The following COX7B2 variants were observed in gnomAD, a reference collection of about 807,000 sequenced individuals.
The protein encoded by COX7B2 is cytochrome c oxidase subunit 7B2.
For synonymous variants in COX7B2, 37 were observed against 32.1 expected, an observed-to-expected ratio of 1.15 and a Z score of -0.51; for missense variants, 109 against 95.9, an observed-to-expected ratio of 1.14 and a Z score of -0.57.
At chr4:46,905,534 A>C (rs929523000) in intron 1 of COX7B2, among the ~76,000 whole-genome samples, 5 of 152,206 alleles carry the variant, frequency 3.3e-5, no homozygotes, top group African/African-American at 1.2e-4. Context: ...TAATTTTGAC[A>C]TTAACGATTC....
intron 2 of COX7B2, among the ~76,000 whole-genome samples, chr4:46,739,144 C>A (rs1714550682): frequency 6.6e-6 from 1 of 151,986 alleles, no homozygotes; most frequent in African/African-American, 2.4e-5. Context: ...AGACATTGTG[C>A]CAAGATTTTG....
chr4:46,865,416 T>C (rs2109810472), intron 1 of COX7B2, among the ~76,000 whole-genome samples: 1 of 152,346 alleles, frequency 6.6e-6, no homozygotes, highest in Middle Eastern at 3.4e-3. Flanking sequence ...GTGATAAGCA[T>C]ATATGTGCAA....
intron 2 of COX7B2, among the ~76,000 whole-genome samples, chr4:46,744,406 C>T (rs915964111): frequency 9.2e-5 from 14 of 152,182 alleles, no homozygotes; most frequent in African/African-American, 3.1e-4. Flanking sequence ...CTCCCATCTC[C>T]TTGGCTATAG....
intron 1 of COX7B2, among the ~76,000 whole-genome samples, chr4:46,892,951 G>T (rs981476443): frequency 5.9e-5 from 9 of 152,120 alleles, no homozygotes; most frequent in African/African-American, 2.2e-4. Flanking sequence ...TTCCCCCTTT[G>T]CATGGCTTTC....
At chr4:46,804,302 A>T (rs1486736816) in intron 2 of COX7B2, among the ~76,000 whole-genome samples, 1 of 152,186 alleles carries the variant, frequency 6.6e-6, no homozygotes, top group East Asian at 1.9e-4. Flanking sequence ...CTTCCACGGT[A>T]CGGAAAGGGA....
intron 2 of COX7B2, among the ~76,000 whole-genome samples, chr4:46,780,330 A>G (rs1441808625): frequency 6.6e-6 from 1 of 152,174 alleles, no homozygotes; most frequent in Non-Finnish European, 1.5e-5. Flanking sequence ...ATCCTGGCTA[A>G]CATGGTAAAA....
chr4:46,776,422 GTC>G (rs1553883539), intron 2 of COX7B2, among the ~76,000 whole-genome samples: 4 of 146,014 alleles, frequency 2.7e-5, no homozygotes, highest in East Asian at 2.0e-4. Flanking sequence ...GTGTGTGTGT[GTC>G]TGTGTGTCTG....
rs117266824 is a variant in COX7B2 at position 46,886,955 on chromosome 4, G to T, written c.-105+22205C>A. Reference sequence around the variant, plus strand: ...TGTTAATTGGTGTGGAAAAAAAATCGCAGACATATTTTAAACTCGACACAG... The same window carrying T: ...TGTTAATTGGTGTGGAAAAAAAATCTCAGACATATTTTAAACTCGACACAG... On this transcript the variant is annotated intron_variant, in intron 1 of 2. Coordinates refer to ENST00000355591, the MANE Select transcript of COX7B2 (RefSeq NM_130902.3). Among the ~76,000 whole-genome samples, 82 of 152,300 alleles carry T rather than the reference G, an allele frequency of 5.4e-4. 1 individual carries two copies. The East Asian group carries it at 0.015, about 28-fold the overall frequency.
At chr4:46,830,947 A>C (rs966947379) in intron 2 of COX7B2, among the ~76,000 whole-genome samples, 1 of 152,160 alleles carries the variant, frequency 6.6e-6, no homozygotes, top group Non-Finnish European at 1.5e-5. Context: ...GCCGCACTTG[A>C]GGAGCCCTTC....
At chr4:46,805,516 C>G (rs1718952283) in intron 2 of COX7B2, among the ~76,000 whole-genome samples, 1 of 152,222 alleles carries the variant, frequency 6.6e-6, no homozygotes, top group Non-Finnish European at 1.5e-5. Context: ...CAATAATTCT[C>G]ATTCCCTTTT....
intron 2 of COX7B2, among the ~76,000 whole-genome samples, chr4:46,759,415 C>G (rs1161517549): frequency 1.3e-5 from 2 of 151,588 alleles, no homozygotes; most frequent in Non-Finnish European, 2.9e-5. Context: ...AATAGGCAAC[C>G]TACAGAATGG....
chr4:46,860,206 G>A (rs945804560), intron 1 of COX7B2, among the ~76,000 whole-genome samples: 2 of 152,220 alleles, frequency 1.3e-5, no homozygotes, highest in Admixed American at 1.3e-4. Context: ...TGATACAGTC[G>A]AGAGAGACAG....
chr4:46,863,012 A>G (rs1298636403), intron 1 of COX7B2, among the ~76,000 whole-genome samples: 1 of 152,138 alleles, frequency 6.6e-6, no homozygotes, highest in Admixed American at 6.5e-5. Context: ...CTCATCTTTA[A>G]AATGCTAACA....
chr4:46,745,963 A>G (rs1714998443), intron 2 of COX7B2, among the ~76,000 whole-genome samples: 1 of 152,186 alleles, frequency 6.6e-6, no homozygotes, highest in Non-Finnish European at 1.5e-5. Context: ...AATTAACATA[A>G]TCATCTGAAT....
At chr4:46,804,271 G>C (rs1017212357) in intron 2 of COX7B2, among the ~76,000 whole-genome samples, 2 of 152,152 alleles carry the variant, frequency 1.3e-5, no homozygotes. Context: ...AAGACTTACC[G>C]CAAAGAGCGA....
At chr4:46,746,013 C>G (rs943199834) in intron 2 of COX7B2, among the ~76,000 whole-genome samples, 1 of 151,942 alleles carries the variant, frequency 6.6e-6, no homozygotes, top group African/African-American at 2.4e-5. Flanking sequence ...TGCAAATAGG[C>G]CAGAATTTTC....
At chr4:46,860,446 C>T (rs557467022) in intron 1 of COX7B2, among the ~76,000 whole-genome samples, 40 of 152,228 alleles carry the variant, frequency 2.6e-4, no homozygotes, top group Non-Finnish European at 5.1e-4. Context: ...AGCAGTCAAA[C>T]CCTCCCAAGC....
rs905914414 is a variant in COX7B2, at chr4:46,783,680, C to G, written c.-49-48439G>C. On this transcript the variant is annotated intron_variant, in intron 2 of 2. Transcript: ENST00000355591. ...CACATGCTAGGCCCATTCCCTGAGG[C>G]CAAATAACATTTTGTTTGCAAATGA... Among the ~76,000 whole-genome samples the G allele has an allele frequency of 4.6e-5, 7 of 151,888 alleles. No homozygotes were observed. In the South Asian group the frequency reaches 1.5e-3, roughly 32 times the overall value.
intron 2 of COX7B2, among the ~76,000 whole-genome samples, chr4:46,822,299 A>G (rs941521697): frequency 4.6e-5 from 7 of 152,180 alleles, no homozygotes; most frequent in Non-Finnish European, 7.3e-5. Context: ...CAAAACTAAC[A>G]TGGCGTAAGC....
Sources: allele counts gnomAD v4.1 joint callset (sites outside exome capture counted in the v4.1 genomes callset), GRCh38; gene constraint gnomAD v4.1.1; transcripts MANE v1.5; gene names NCBI Gene and HGNC (gene_info 2026-07-23, HGNC 2026-07-21).